Variants in ARID2 observed in about 807,000 individuals in gnomAD.
ARID2 encodes the protein AT-rich interaction domain 2, also known as AT-rich interactive domain-containing protein 2.
A neutral mutation model predicts 184.6 loss-of-function variants in ARID2; 32 were observed. That is an observed-to-expected ratio of 0.17 (90% CI 0.13 to 0.23). The LOEUF is 0.23. Ranked by LOEUF, ARID2 falls within the 10% of genes least tolerant of loss-of-function variation. The probability of loss-of-function intolerance (pLI) is 1.00; values close to 1 mark genes in which losing one functional copy is unlikely to be tolerated. For synonymous variants in ARID2, 836 were observed against 772.6 expected (o/e 1.08, Z -1.36); for missense variants, 1,696 against 2,197.6 (o/e 0.77, Z 4.56).
chr12:45,732,586 TG>T (rs1343564545), intron 3 of ARID2, among the ~76,000 whole-genome samples: 3 of 152,156 alleles, frequency 2.0e-5, no homozygotes, highest in Non-Finnish European at 4.4e-5. Flanking sequence ...GAGTTAGTAG[TG>T]GGGTGAGAAA....
chr12:45,737,368 T>C (rs904730328), intron 3 of ARID2, among the ~76,000 whole-genome samples: 1 of 151,994 alleles, frequency 6.6e-6, no homozygotes, highest in South Asian at 2.1e-4. Flanking sequence ...GCCCTTTTTT[T>C]CCCCATTATA....
At position 45,893,465 on chromosome 12, in the gene ARID2, G is replaced by T; in HGVS notation, c.5193G>T (p.Lys1731Asn). The change falls in exon 19 of 21, where the codon AAG (lysine) becomes AAT (asparagine). Residue 1731 changes from lysine to asparagine, a missense_variant. Physicochemically the swap from Lys to Asn is moderately conservative, Grantham distance 94. Around this residue, in one of 11 missense-constraint regions of ARID2, gnomAD observed 58 missense variants for 47.1 expected, o/e 1.23. Transcript: ENST00000334344. ...GGTSSTPRAQ[K>N]AIVNHPSAAL... ...CAAGCTCAACTCCTAGAGCACAAAA[G>T]GCCATTGTGAATCATCCCAGTGCTG... is the stretch of plus-strand genomic sequence containing the variant. 1 of 1,614,002 alleles carries T rather than the reference G, an allele frequency of 6.2e-7. No homozygotes were observed. Among genetic ancestry groups the T allele is most frequent in the Non-Finnish European group, 8.5e-7 (1 of 1,179,960 alleles).
intron 6 of ARID2, among the ~76,000 whole-genome samples, chr12:45,829,789 ATCTT>A (rs915959822): frequency 1.9e-5 from 2 of 104,198 alleles, no homozygotes; most frequent in Non-Finnish European, 3.7e-5. Context: ...CTTCTAGGTT[ATCTT>A]TCTTCTTCTT....
chr12:45,747,218 T>C (rs1941377167), intron 3 of ARID2, among the ~76,000 whole-genome samples: 1 of 152,232 alleles, frequency 6.6e-6, no homozygotes, highest in South Asian at 2.1e-4. Flanking sequence ...GATTGTGGCT[T>C]TTTATTTTTA....
At chr12:45,812,125 T>C (rs1942721061) in intron 4 of ARID2, among the ~76,000 whole-genome samples, 1 of 151,972 alleles carries the variant, frequency 6.6e-6, no homozygotes, top group Non-Finnish European at 1.5e-5. Flanking sequence ...TCAGTGGCTC[T>C]GGAGGTCAGG....
intron 4 of ARID2, among the ~76,000 whole-genome samples, chr12:45,815,165 A>G (rs1415122970): frequency 2.6e-5 from 4 of 152,110 alleles, no homozygotes; most frequent in South Asian, 2.1e-4. Flanking sequence ...ATTTTTTTCT[A>G]TTCAGATTTA....
intron 17 of ARID2, 40 bp downstream of exon 17, chr12:45,891,958 A>C (rs1041366444): frequency 5.6e-6 from 9 of 1,614,046 alleles, no homozygotes; most frequent in Non-Finnish European, 7.6e-6. Flanking sequence ...AACTCATTTG[A>C]CTGCATTAAA....
chr12:45,731,659 TTTGTAACCTTTGG>T (rs1176432096), intron 3 of ARID2, among the ~76,000 whole-genome samples: 1 of 152,134 alleles, frequency 6.6e-6, no homozygotes, highest in Non-Finnish European at 1.5e-5. Context: ...TTAATGAAAC[TTTGTAACCTTTGG>T]GAAAATTTTT....
At chr12:45,798,875 T>C (rs908765374) in intron 3 of ARID2, among the ~76,000 whole-genome samples, 1 of 151,920 alleles carries the variant, frequency 6.6e-6, no homozygotes, top group Admixed American at 6.6e-5. Context: ...ACTCTTAGTG[T>C]TTTCCTCTAG....
chr12:45,901,603 CTG>C (rs1944460135), intron 20 of ARID2, among the ~76,000 whole-genome samples: 1 of 152,086 alleles, frequency 6.6e-6, no homozygotes, highest in Non-Finnish European at 1.5e-5. Flanking sequence ...TTTTCCCAAT[CTG>C]TGTATGGTTA....
At chr12:45,759,730 AATTG>A (rs1007767038) in intron 3 of ARID2, among the ~76,000 whole-genome samples, 5 of 152,078 alleles carry the variant, frequency 3.3e-5, no homozygotes, top group African/African-American at 9.7e-5. Context: ...TAATTGCACC[AATTG>A]ATTGATTGAT....
intron 3 of ARID2, among the ~76,000 whole-genome samples, chr12:45,751,130 AAAAT>A (rs1941457962): frequency 6.6e-6 from 1 of 152,216 alleles, no homozygotes; most frequent in African/African-American, 2.4e-5. Flanking sequence ...CACAAGGAGA[AAAAT>A]AAAGCAAATA....
At chr12:45,788,918 T>C (rs1181305912) in intron 3 of ARID2, among the ~76,000 whole-genome samples, 1 of 152,216 alleles carries the variant, frequency 6.6e-6, no homozygotes. Context: ...AAAAGGACTT[T>C]TTTGTCCTGC....
rs569824605 is a variant in ARID2 at position 45,763,830 on chromosome 12, C to T, written c.284+32516C>T. ...AGGGAACTGAGACCTAGAGAATTTG[C>T]AATTTTTATATCGTTAATGGTTTTT... On this transcript the variant is annotated intron_variant, in intron 3 of 20. Coordinates refer to ENST00000334344, the MANE Select transcript of ARID2 (RefSeq NM_152641.4). 3.3e-5 allele frequency among the ~76,000 whole-genome samples: 5 copies of T among 152,064 alleles called. No individual in the cohort carries two copies. In the South Asian group the frequency reaches 1.0e-3, roughly 32 times the overall value.
chr12:45,890,214 A>G (rs7972650), intron 16 of ARID2, among the ~76,000 whole-genome samples: 14,225 of 152,254 alleles, frequency 0.093, 2,266 homozygotes, highest in African/African-American at 0.32. Flanking sequence ...TTAAAATCAT[A>G]CATAGTTGTG....
At chr12:45,879,824 T>A (rs1047693772) in intron 16 of ARID2, among the ~76,000 whole-genome samples, 3 of 152,232 alleles carry the variant, frequency 2.0e-5, no homozygotes, top group Non-Finnish European at 4.4e-5. Context: ...AAATAATGTG[T>A]GATTGTATAA....
rs1401330994 is a variant in ARID2, at chr12:45,848,930, G to A, written c.1675G>A (p.Gly559Ser). Residue 559 changes from glycine (G) to serine (S), a missense_variant, in exon 13 of 21, where the codon GGT becomes AGT. Physicochemically the swap from Gly to Ser is moderately conservative, Grantham distance 56 (BLOSUM62 0). Around this residue, in one of 11 missense-constraint regions of ARID2, gnomAD observed 713 missense variants for 824.4 expected, o/e 0.86. Coordinates refer to ENST00000334344, the MANE Select transcript of ARID2 (RefSeq NM_152641.4). ...YLSTCSKLAR[G>S]GILTSTGFYK... ...CTCGACTTGCAGTAAATTAGCTCGT[G>A]GTGGAATCCTAACATCAACTGGATT... 1.9e-6 allele frequency: 3 copies of A among 1,612,310 alleles called. No individual in the cohort carries two copies. Among genetic ancestry groups the A allele is most frequent in the Admixed American group, 3.3e-5 (2 of 59,928 alleles).
chr12:45,750,679 T>C (rs1446075665), intron 3 of ARID2, among the ~76,000 whole-genome samples: 3 of 152,228 alleles, frequency 2.0e-5, no homozygotes, highest in Non-Finnish European at 4.4e-5. Flanking sequence ...ACAAATGATG[T>C]GATTACTTGG....
In ARID2 at chr12:45,730,086, G is replaced by A. The variant is rs2137959783; in HGVS notation, c.135G>A (p.Leu45=). 1 of 1,613,700 alleles carries A rather than the reference G, an allele frequency of 6.2e-7. No homozygotes were observed. The highest frequency in any genetic ancestry group is 8.5e-7 in the Non-Finnish European group (1 of 1,179,790). Residue 45 remains leucine, a synonymous_variant, in exon 2 of 21, where the codon CTG becomes CTA. Coordinates refer to ENST00000334344, the MANE Select transcript of ARID2 (RefSeq NM_152641.4). ...TCCCTGCGGTGGGTGGGAAGGAGCT[G>A]GATCTTCACGGTCTCTACACCAGAG... ...KKIPAVGGKE[L]DLHGLYTRVT... is the part of the protein sequence containing the mutation.
Sources: gnomAD v4.1 joint callset for allele counts (sites outside exome capture counted in the v4.1 genomes callset) on GRCh38, gnomAD v4.1.1 for gene constraint, gnomAD v4.1.1 regional missense constraint, MANE v1.5 for transcripts, NCBI Gene and HGNC (gene_info 2026-07-23, HGNC 2026-07-21) for gene names.